The following PCOLCE2 variants were observed in gnomAD, a reference collection of about 807,000 sequenced individuals.
The protein encoded by PCOLCE2 is procollagen C-proteinase enhancer 2.
Under a neutral mutation model 47.0 loss-of-function variants are expected in PCOLCE2, and 42 were observed. The observed-to-expected ratio is 0.89, with a 90% CI of 0.70 to 1.16. The LOEUF (loss-of-function observed/expected upper bound fraction) is 1.16, where lower values mean the gene tolerates loss of function less well. PCOLCE2 is among the 50% of genes most tolerant of loss of function. The probability of loss-of-function intolerance (pLI) is 0.00; values close to 1 mark genes in which losing one functional copy is unlikely to be tolerated. For synonymous variants in PCOLCE2, 169 were observed against 191.7 expected (o/e 0.88, Z 0.98); for missense variants, 500 against 526.1 (o/e 0.95, Z 0.49).
intron 2 of PCOLCE2, among the ~76,000 whole-genome samples, chr3:142,874,961 C>T (rs770275127): frequency 2.2e-4 from 34 of 152,244 alleles, no homozygotes; most frequent in South Asian, 6.2e-4. Flanking sequence ...AATTCTGTTA[C>T]TTCTAAGAAA....
chr3:142,829,718 A>G lies in PCOLCE2; in HGVS notation c.839T>C (p.Val280Ala), dbSNP rs35692900. The G allele has an allele frequency of 0.043, 68,318 of 1,599,048 alleles. 1,553 individuals are homozygous for G. Among genetic ancestry groups the G allele is most frequent in the East Asian group, 0.059 (2,611 of 44,596 alleles). Reference protein sequence around the residue: ...KKLPTTTEQPVTTTFPVTTGL... With the variant: ...KKLPTTTEQPATTTFPVTTGL... ...CGTGGTTACAGGGAATGTGGTGGTG[A>G]CAGGCTGTTCTGTAGTTGTAGGCAG... Residue 280 changes from valine (V) to alanine (A), a missense_variant, in exon 6 of 9, where the codon GTC (valine) becomes GCC (alanine). By Grantham distance (64) the Val-to-Ala change is moderately conservative. Coordinates refer to ENST00000295992, the MANE Select transcript of PCOLCE2 (RefSeq NM_013363.4).
chr3:142,840,942 G>A (rs566123966), intron 4 of PCOLCE2, among the ~76,000 whole-genome samples: 11 of 152,154 alleles, frequency 7.2e-5, no homozygotes, highest in Admixed American at 2.6e-4. Context: ...AGGCATGGTG[G>A]CGGGTTCCTG....
At chr3:142,839,798 A>G (rs552730345) in intron 4 of PCOLCE2, among the ~76,000 whole-genome samples, 74 of 152,368 alleles carry the variant, frequency 4.9e-4, no homozygotes, top group African/African-American at 1.7e-3. Context: ...CTTGTCAACT[A>G]TACCTCAATA....
chr3:142,835,998 T>C (rs1477715796), intron 5 of PCOLCE2, among the ~76,000 whole-genome samples: 1 of 131,258 alleles, frequency 7.6e-6, no homozygotes, highest in Non-Finnish European at 1.8e-5. Context: ...TCTTTTGCAC[T>C]GAATTTTTTG....
intron 2 of PCOLCE2, among the ~76,000 whole-genome samples, chr3:142,872,882 T>G (rs1933421613): frequency 6.6e-6 from 1 of 152,118 alleles, no homozygotes; most frequent in African/African-American, 2.4e-5. Context: ...ATATAAAGAA[T>G]TTCCCCAAAA....
chr3:142,818,258 A>ATT lies in PCOLCE2; in HGVS notation c.*75_*76dup. 3 of 1,279,484 alleles carry ATT rather than the reference A, an allele frequency of 2.3e-6. No individual in the cohort carries two copies. The highest frequency in any genetic ancestry group is 2.0e-5 in the Admixed American group (1 of 50,732). 79.3% of individuals were successfully genotyped at this position (1,279,484 alleles called of 1,614,324 possible). Reference sequence around the variant, plus strand: ...TTTCAGAATATGTAATTTTATAAGTATTTTTTTTTCTACTGAGAGAACATA... The same window carrying ATT: ...TTTCAGAATATGTAATTTTATAAGTATTTTTTTTTTTCTACTGAGAGAACATA... On this transcript the variant is annotated 3_prime_UTR_variant, in exon 9 of 9. Coordinates refer to ENST00000295992, the MANE Select transcript of PCOLCE2 (RefSeq NM_013363.4).
At chr3:142,845,453 C>T (rs1356436691) in intron 3 of PCOLCE2, among the ~76,000 whole-genome samples, 1 of 152,084 alleles carries the variant, frequency 6.6e-6, no homozygotes, top group Non-Finnish European at 1.5e-5. Flanking sequence ...ATAACATATA[C>T]CCTTTTATAT....
At chr3:142,819,434 G>C (rs1936988065) in intron 8 of PCOLCE2, among the ~76,000 whole-genome samples, 1 of 152,176 alleles carries the variant, frequency 6.6e-6, no homozygotes, top group Non-Finnish European at 1.5e-5. Context: ...CTGAGAGTCT[G>C]GGCAGGTAAT....
At chr3:142,845,468 T>G (rs1226320193) in intron 3 of PCOLCE2, among the ~76,000 whole-genome samples, 1 of 152,234 alleles carries the variant, frequency 6.6e-6, no homozygotes, top group East Asian at 1.9e-4. Flanking sequence ...TTATATTTAC[T>G]ATTTCCAATG....
intron 2 of PCOLCE2, among the ~76,000 whole-genome samples, chr3:142,872,436 T>C (rs558921664): frequency 1.9e-3 from 285 of 152,252 alleles, no homozygotes; most frequent in African/African-American, 6.2e-3. Context: ...TACAACCTCC[T>C]GCTTGTTCAT....
intron 2 of PCOLCE2, among the ~76,000 whole-genome samples, chr3:142,865,501 C>T (rs985465053): frequency 2.6e-5 from 4 of 152,112 alleles, no homozygotes; most frequent in Non-Finnish European, 1.5e-5. Flanking sequence ...GAAGTTACCC[C>T]ATACAAAATA....
At chr3:142,824,168 A>T (rs926684393) in intron 6 of PCOLCE2, among the ~76,000 whole-genome samples, 2 of 152,016 alleles carry the variant, frequency 1.3e-5, no homozygotes, top group African/African-American at 4.8e-5. Flanking sequence ...GGCTATAAGA[A>T]TCTTAAGAAC....
At chr3:142,832,415 G>C (rs1560131283) in intron 5 of PCOLCE2, among the ~76,000 whole-genome samples, 1 of 152,012 alleles carries the variant, frequency 6.6e-6, no homozygotes, top group South Asian at 2.1e-4. Flanking sequence ...CCAACTCAAG[G>C]TTTTGGCTGC....
At chr3:142,821,073 G>T in intron 7 of PCOLCE2, 28 bp from the exon 8 acceptor site, 1 of 1,555,112 alleles carries the variant, frequency 6.4e-7, no homozygotes, top group Non-Finnish European at 8.8e-7. Context: ...TTGAAGTGAT[G>T]TGACAGTGAA....
At chr3:142,853,335 C>T (rs1174965724) in intron 2 of PCOLCE2, among the ~76,000 whole-genome samples, 2 of 152,208 alleles carry the variant, frequency 1.3e-5, no homozygotes, top group Non-Finnish European at 2.9e-5. Flanking sequence ...TAAACACCCC[C>T]AAACCCGAAG....
At chr3:142,877,094 T>A (rs964432534) in intron 2 of PCOLCE2, among the ~76,000 whole-genome samples, 8 of 152,234 alleles carry the variant, frequency 5.3e-5, no homozygotes, top group African/African-American at 1.9e-4. Flanking sequence ...TAGTGGGGCC[T>A]ATTCTGATGA....
chr3:142,880,978 C>T (rs2707985), intron 2 of PCOLCE2, among the ~76,000 whole-genome samples: 123,599 of 152,156 alleles, frequency 0.81, 50,571 homozygotes, highest in African/African-American at 0.9. Flanking sequence ...ATAAGCTTTA[C>T]TCCAAATTAT....
At chr3:142,878,638 T>A (rs535474676) in intron 2 of PCOLCE2, among the ~76,000 whole-genome samples, 3 of 152,182 alleles carry the variant, frequency 2.0e-5, no homozygotes, top group Non-Finnish European at 4.4e-5. Flanking sequence ...GCGGGCCGAC[T>A]GACTTGAGGT....
chr3:142,838,802 T>C lies in PCOLCE2; in HGVS notation c.678A>G (p.Arg226=). Residue 226 remains arginine (R), a synonymous_variant, in exon 5 of 9, where the codon AGA becomes AGG. Coordinates refer to ENST00000295992, the MANE Select transcript of PCOLCE2 (RefSeq NM_013363.4). The part of the protein sequence containing the change: ...FNGGEVNDAR[R]IGKYCGDSPP... ...GACTATCACCACAATACTTTCCAATTCTTCTAGCATCGTTGACTTCCCCGC... is the reference window on the plus strand; with the variant it reads ...GACTATCACCACAATACTTTCCAATCCTTCTAGCATCGTTGACTTCCCCGC... 6 of 1,613,930 alleles carry C rather than the reference T, an allele frequency of 3.7e-6. No individual in the cohort carries two copies. In the South Asian group the frequency reaches 6.6e-5, roughly 18 times the overall value.
Sources: allele counts gnomAD v4.1 joint callset (sites outside exome capture counted in the v4.1 genomes callset), GRCh38; gene constraint gnomAD v4.1.1; transcripts MANE v1.5; gene names NCBI Gene and HGNC (gene_info 2026-07-23, HGNC 2026-07-21).